The following LRRC7 variants were observed in gnomAD, a reference collection of about 807,000 sequenced individuals.
LRRC7 encodes leucine rich repeat containing 7, also known as leucine-rich repeat-containing protein 7.
LRRC7 carries 23 observed loss-of-function variants against 175.7 expected under a neutral mutation model. The ratio of observed to expected loss-of-function variants is 0.13; its 90% CI spans 0.09 to 0.19. The LOEUF (loss-of-function observed/expected upper bound fraction) is 0.19, where lower values mean the gene tolerates loss of function less well. LRRC7 is among the 10% of genes least tolerant of loss of function. The pLI is 1.00. For missense variants in LRRC7, 1,354 were observed against 1,904.7 expected, an observed-to-expected ratio of 0.71 and a Z score of 5.38; for synonymous variants, 685 against 680.9, an observed-to-expected ratio of 1.01 and a Z score of -0.09.
chr1:69,823,984 A>C (rs1679606784), intron 4 of LRRC7, among the ~76,000 whole-genome samples: 1 of 152,200 alleles, frequency 6.6e-6, no homozygotes, highest in African/African-American at 2.4e-5. Context: ...TTTTAAATTT[A>C]AACTGTAAAC....
At chr1:69,740,962 T>G (rs1407740319) in intron 2 of LRRC7, among the ~76,000 whole-genome samples, 1 of 151,942 alleles carries the variant, frequency 6.6e-6, no homozygotes, top group African/African-American at 2.4e-5. Context: ...TATACAATAT[T>G]TATTGTAAAT....
intron 7 of LRRC7, among the ~76,000 whole-genome samples, chr1:69,911,918 T>C (rs1325648382): frequency 6.8e-6 from 1 of 146,924 alleles, no homozygotes; most frequent in Non-Finnish European, 1.5e-5. Flanking sequence ...AGAAAATATT[T>C]GAAAAAAAAA....
intron 1 of LRRC7, among the ~76,000 whole-genome samples, chr1:69,654,492 A>G (rs1358687947): frequency 6.6e-6 from 1 of 152,070 alleles, no homozygotes; most frequent in Non-Finnish European, 1.5e-5. Context: ...AGTTGTGATA[A>G]CAAGTCATGA....
At position 70,137,498 on chromosome 1, in the gene LRRC7, T is replaced by C. The variant is rs569637034; in HGVS notation, c.*15611T>C. 1.1e-4 allele frequency among the ~76,000 whole-genome samples: 16 copies of C among 152,368 alleles called. No individual in the cohort carries two copies. Among genetic ancestry groups the C allele is most frequent in the South Asian group, 4.1e-4 (2 of 4,832 alleles). On this transcript the variant is annotated 3_prime_UTR_variant, in exon 27 of 27. Transcript: ENST00000651989. ...TGGACTTGCATATCTTTAACACTTA[T>C]CATGTACCTACATACAAGGAAAACA...
Position 70,101,371 on chromosome 1 carries a change from A to C in LRRC7, c.4546-6381A>C, listed in dbSNP as rs139573695. ...GCATCAGCTAGAGCCAAGACTTTTCAGAATTTTAAGGAAAAGCATATTTCA... is the reference window on the plus strand; with the variant it reads ...GCATCAGCTAGAGCCAAGACTTTTCCGAATTTTAAGGAAAAGCATATTTCA... On this transcript the variant is annotated intron_variant, in intron 25 of 26. Transcript: ENST00000651989. Among the ~76,000 whole-genome samples the C allele has an allele frequency of 2.8e-3, 419 of 152,340 alleles. 3 individuals are homozygous for C. The highest frequency in any genetic ancestry group is 3.7e-3 in the Non-Finnish European group (253 of 68,026).
chr1:69,674,151 T>C (rs1021580081), intron 1 of LRRC7, among the ~76,000 whole-genome samples: 1 of 152,168 alleles, frequency 6.6e-6, no homozygotes, highest in African/African-American at 2.4e-5. Flanking sequence ...GATATTAAAA[T>C]ATAAGTGTTA....
intron 7 of LRRC7, chr1:69,873,717 A>G (rs1236264962): frequency 9.2e-6 from 2 of 217,200 alleles, no homozygotes; most frequent in Non-Finnish European, 2.0e-5. Flanking sequence ...GGTCTTTGTT[A>G]AAGTTTAACG....
intron 7 of LRRC7, among the ~76,000 whole-genome samples, chr1:69,878,283 A>AC (rs940091056): frequency 2.0e-5 from 3 of 151,034 alleles, no homozygotes; most frequent in African/African-American, 4.9e-5. Flanking sequence ...TTAGAAAAAA[A>AC]AAAAAAAACA....
intron 5 of LRRC7, among the ~76,000 whole-genome samples, chr1:69,832,610 C>T (rs565676900): frequency 3.3e-5 from 5 of 151,728 alleles, no homozygotes; most frequent in South Asian, 4.2e-4. Context: ...CTAACAAAAC[C>T]GAGGGTTAGG....
intron 1 of LRRC7, among the ~76,000 whole-genome samples, chr1:69,622,258 T>C (rs1005263844): frequency 3.3e-5 from 5 of 152,238 alleles, no homozygotes; most frequent in Admixed American, 2.0e-4. Flanking sequence ...ATTATAATTC[T>C]CTTGACACTA....
chr1:69,976,294 C>T (rs938545145), intron 8 of LRRC7, among the ~76,000 whole-genome samples: 23 of 152,090 alleles, frequency 1.5e-4, no homozygotes, highest in Admixed American at 3.3e-4. Context: ...ACTTGGAGTC[C>T]GATGTTTGAG....
At chr1:69,761,321 C>G (rs1031164881) in intron 3 of LRRC7, among the ~76,000 whole-genome samples, 1 of 151,886 alleles carries the variant, frequency 6.6e-6, no homozygotes, top group Non-Finnish European at 1.5e-5. Context: ...AAAGAATCTT[C>G]CACAATAAAA....
At chr1:69,760,722 G>T (rs1407282276) in intron 3 of LRRC7, among the ~76,000 whole-genome samples, 1 of 151,886 alleles carries the variant, frequency 6.6e-6, no homozygotes, top group African/African-American at 2.4e-5. Context: ...GGAAAAATAT[G>T]ACACTACTCC....
chr1:69,982,661 T>C (rs1460597824), intron 9 of LRRC7, among the ~76,000 whole-genome samples: 1 of 152,226 alleles, frequency 6.6e-6, no homozygotes, highest in Non-Finnish European at 1.5e-5. Context: ...TAGTTCTATC[T>C]TGTGACCATC....
In LRRC7 at chr1:69,892,630, CATA is replaced by C. The variant is rs568154408; in HGVS notation, c.648-38871_648-38869del. Among the ~76,000 whole-genome samples, 668 of 152,204 alleles carry C rather than the reference CATA, an allele frequency of 4.4e-3. 5 individuals carry two copies. The highest frequency in any genetic ancestry group is 0.015 in the African/African-American group (616 of 41,552). On this transcript the variant is annotated intron_variant, in intron 7 of 26. Coordinates refer to ENST00000651989, the MANE Select transcript of LRRC7 (RefSeq NM_001370785.2). ...TTAGCCTATAAGTTGTCCCTTATTC[CATA>C]ATAATGAGAGGTAGATACTATTTAT...
intron 21 of LRRC7, among the ~76,000 whole-genome samples, chr1:70,040,322 C>T (rs72945223): frequency 0.025 from 3,855 of 152,168 alleles, 184 homozygotes; most frequent in African/African-American, 0.088. Context: ...GAAAAATAAG[C>T]AGGGATTGAA....
chr1:69,973,410 A>G (rs976848307), intron 8 of LRRC7, among the ~76,000 whole-genome samples: 1 of 152,084 alleles, frequency 6.6e-6, no homozygotes, highest in African/African-American at 2.4e-5. Context: ...TAACCAAACT[A>G]CCTGTTCCCC....
chr1:69,878,434 GAT>G (rs1686246213), intron 7 of LRRC7, among the ~76,000 whole-genome samples: 1 of 152,206 alleles, frequency 6.6e-6, no homozygotes, highest in Non-Finnish European at 1.5e-5. Context: ...TGAGATTGGA[GAT>G]ACAGTGTTTT....
At chr1:70,019,826 A>T (rs1052814094) in intron 15 of LRRC7, among the ~76,000 whole-genome samples, 7 of 152,080 alleles carry the variant, frequency 4.6e-5, no homozygotes, top group African/African-American at 1.7e-4. Context: ...TTTATAAGAG[A>T]CATCTTAAGT....
Sources: allele counts gnomAD v4.1 joint callset (sites outside exome capture counted in the v4.1 genomes callset), GRCh38; gene constraint gnomAD v4.1.1; transcripts MANE v1.5; gene names NCBI Gene and HGNC (gene_info 2026-07-23, HGNC 2026-07-21).